The following MIS18A variants were observed in gnomAD, a reference collection of about 807,000 sequenced individuals.
MIS18A encodes protein Mis18-alpha.
A neutral mutation model predicts 25.0 loss-of-function variants in MIS18A; 14 were observed. The ratio of observed to expected loss-of-function variants is 0.56; its 90% CI spans 0.37 to 0.88. The LOEUF (loss-of-function observed/expected upper bound fraction) is 0.88, where lower values mean the gene tolerates loss of function less well. MIS18A is among the 40% of genes least tolerant of loss of function. MIS18A has a pLI of 0.00. For missense variants in MIS18A, 292 were observed against 290.8 expected (o/e 1.00, Z -0.03); for synonymous variants, 134 against 118.6 (o/e 1.13, Z -0.84).
At chr21:32,163,816 TA>T in the MIS18A span, among the ~76,000 whole-genome samples, 1 of 152,176 alleles carries the variant, frequency 6.6e-6, no homozygotes, top group Non-Finnish European at 1.5e-5. Flanking sequence ...GTAATGGAAG[TA>T]ACATGGTGGT....
the MIS18A span, among the ~76,000 whole-genome samples, chr21:32,163,461 G>A: frequency 1.3e-5 from 2 of 152,232 alleles, no homozygotes; most frequent in East Asian, 3.9e-4. Flanking sequence ...TTCTTAGAAG[G>A]AGACTGGTGT....
the MIS18A span, among the ~76,000 whole-genome samples, chr21:32,258,213 T>C: frequency 6.6e-6 from 1 of 152,028 alleles, no homozygotes; most frequent in African/African-American, 2.4e-5. Context: ...AGAAAACGAC[T>C]GAAAGAGAAA....
chr21:32,252,694 G>A, the MIS18A span, among the ~76,000 whole-genome samples: 6 of 152,108 alleles, frequency 3.9e-5, no homozygotes, highest in South Asian at 1.0e-3. Context: ...CAAGTTTGGG[G>A]GCCTGACCAG....
chr21:32,190,212 C>T, the MIS18A span, among the ~76,000 whole-genome samples: 3 of 152,284 alleles, frequency 2.0e-5, no homozygotes, highest in Admixed American at 2.0e-4. Context: ...CACTGTCTCT[C>T]TCTCTCTCTT....
the MIS18A span, among the ~76,000 whole-genome samples, chr21:32,163,521 T>G: frequency 1.3e-5 from 2 of 152,186 alleles, no homozygotes; most frequent in Admixed American, 1.3e-4. Context: ...TGCCTTTGCT[T>G]TCTACATCAG....
At position 32,268,917 on chromosome 21, in the gene MIS18A, C is replaced by T. The variant is rs1222712201; in HGVS notation, c.*120G>A. 2.8e-6 allele frequency: 2 copies of T among 706,748 alleles called. No individual in the cohort carries two copies. Among genetic ancestry groups the T allele is most frequent in the Non-Finnish European group, 4.5e-6 (2 of 440,948 alleles). The allele number at this position is 706,748 out of a possible 1,614,324, so 43.8% of individuals were successfully genotyped here. A position where few individuals can be genotyped will look rare whatever the true frequency, so the allele number is the denominator to read the frequency against. On this transcript the variant is annotated 3_prime_UTR_variant, in exon 5 of 5. Coordinates refer to ENST00000290130, the MANE Select transcript of MIS18A (RefSeq NM_018944.3). ...CTGATCCTCCCACCTCAGCGTTTCG[C>T]ATGCCTGGCTAATTTTTTTTTTCTT...
At chr21:32,273,758 A>G (rs1281077129) in intron 2 of MIS18A, among the ~76,000 whole-genome samples, 3 of 152,168 alleles carry the variant, frequency 2.0e-5, no homozygotes, top group African/African-American at 7.2e-5. Context: ...ATTTGATAGG[A>G]TACTCTAGCA....
chr21:32,196,997 A>G, the MIS18A span, among the ~76,000 whole-genome samples: 4 of 152,204 alleles, frequency 2.6e-5, no homozygotes, highest in African/African-American at 9.6e-5. Context: ...CCAATGTACA[A>G]GCCTGTCATT....
At chr21:32,160,475 GACA>G in the MIS18A span, among the ~76,000 whole-genome samples, 7 of 152,092 alleles carry the variant, frequency 4.6e-5, no homozygotes, top group Non-Finnish European at 1.0e-4. Context: ...AGGAGCTCCT[GACA>G]ACATGTGTCC....
the MIS18A span, among the ~76,000 whole-genome samples, chr21:32,247,321 G>A: frequency 6.6e-6 from 1 of 152,170 alleles, no homozygotes; most frequent in African/African-American, 2.4e-5. Flanking sequence ...ACAGCTCCAG[G>A]CATCATCTCC....
chr21:32,221,013 C>T, the MIS18A span, among the ~76,000 whole-genome samples: 1 of 152,048 alleles, frequency 6.6e-6, no homozygotes, highest in Admixed American at 6.5e-5. Context: ...GATTGGTGTA[C>T]CTGAAAGTGA....
chr21:32,170,920 C>A, the MIS18A span, among the ~76,000 whole-genome samples: 13 of 152,000 alleles, frequency 8.6e-5, 1 homozygote, highest in Non-Finnish European at 4.4e-5. Flanking sequence ...AAAAAGCATT[C>A]GACAAAATCC....
downstream of MIS18A, among the ~76,000 whole-genome samples, chr21:32,266,664 C>T (rs2031611488): frequency 6.6e-6 from 1 of 151,942 alleles, no homozygotes; most frequent in Admixed American, 6.6e-5. Flanking sequence ...AGACCACGAA[C>T]CCACCAGAAG....
chr21:32,183,203 A>G, the MIS18A span, among the ~76,000 whole-genome samples: 89,144 of 151,544 alleles, frequency 0.59, 26,889 homozygotes, highest in African/African-American at 0.73. Flanking sequence ...TTTCAATAAA[A>G]TTATAAATTA....
At chr21:32,229,960 T>C in the MIS18A span, among the ~76,000 whole-genome samples, 5 of 152,246 alleles carry the variant, frequency 3.3e-5, no homozygotes, top group African/African-American at 4.8e-5. Flanking sequence ...GTACAGAGTT[T>C]ACAACTAGCC....
the MIS18A span, among the ~76,000 whole-genome samples, chr21:32,172,339 T>C: frequency 6.6e-6 from 1 of 152,104 alleles, no homozygotes; most frequent in Non-Finnish European, 1.5e-5. Flanking sequence ...ATATCCGTGC[T>C]TCCGTGTTCA....
At chr21:32,230,960 C>T in the MIS18A span, among the ~76,000 whole-genome samples, 5 of 151,888 alleles carry the variant, frequency 3.3e-5, no homozygotes, top group African/African-American at 9.7e-5. Context: ...ACAGGCTGGG[C>T]GCAGTGGCTC....
At chr21:32,196,052 G>A in the MIS18A span, among the ~76,000 whole-genome samples, 2 of 151,914 alleles carry the variant, frequency 1.3e-5, no homozygotes, top group South Asian at 4.2e-4. Flanking sequence ...TGTCTGTGAT[G>A]GTTACTTTTA....
the MIS18A span, among the ~76,000 whole-genome samples, chr21:32,238,843 G>C: frequency 1.3e-5 from 2 of 152,288 alleles, no homozygotes; most frequent in South Asian, 4.1e-4. Flanking sequence ...ACCATGAATA[G>C]AGGAAAAAGG....
Sources: gnomAD v4.1 joint callset for allele counts (sites outside exome capture counted in the v4.1 genomes callset) on GRCh38, gnomAD v4.1.1 for gene constraint, MANE v1.5 for transcripts, NCBI Gene and HGNC (gene_info 2026-07-23, HGNC 2026-07-21) for gene names.